Variants in CLCN6 observed in about 807,000 individuals in gnomAD.
CLCN6 encodes the protein Cl-/H+ antiporter 6.
In CLCN6, 70 loss-of-function variants were observed where a neutral mutation model predicts 109.8. The ratio of observed to expected loss-of-function variants is 0.64; its 90% CI spans 0.53 to 0.78. The LOEUF (loss-of-function observed/expected upper bound fraction) is 0.78, where lower values mean the gene tolerates loss of function less well. Ranked by LOEUF, CLCN6 falls within the 30% of genes least tolerant of loss-of-function variation. The probability of loss-of-function intolerance (pLI) is 0.00; values close to 1 mark genes in which losing one functional copy is unlikely to be tolerated. For missense variants in CLCN6, 984 were observed against 1,142.3 expected, an observed-to-expected ratio of 0.86 and a Z score of 2.00; for synonymous variants, 444 against 447.8, an observed-to-expected ratio of 0.99 and a Z score of 0.11.
At chr1:11,811,209 A>T (rs55738737) in intron 2 of CLCN6, among the ~76,000 whole-genome samples, 15,039 of 148,328 alleles carry the variant, frequency 0.1, 806 homozygotes, top group South Asian at 0.16. Flanking sequence ...AGACCCTGAC[A>T]AAAAAAAAAG....
At chr1:11,807,457 C>T (rs1042444995) in intron 2 of CLCN6, among the ~76,000 whole-genome samples, 2 of 152,182 alleles carry the variant, frequency 1.3e-5, no homozygotes, top group Non-Finnish European at 2.9e-5. Flanking sequence ...AAACTGTTTG[C>T]TTTTACAGCT....
At position 11,827,959 on chromosome 1, in the gene CLCN6, A is replaced by G. The variant is rs186247961; in HGVS notation, c.841-147A>G. 233 of 689,738 alleles carry G rather than the reference A, an allele frequency of 3.4e-4. 4 individuals carry two copies. The South Asian group carries it at 3.8e-3, about 11-fold the overall frequency. The allele number at this position is 689,738 out of a possible 1,614,324, so 42.7% of individuals were successfully genotyped here. A position where few individuals can be genotyped will look rare whatever the true frequency, so the allele number is the denominator to read the frequency against. ...CTAGAGTTGGTCATACCTGGGGTGT[A>G]TCTACTGTAAGGGTGACTAGATCTC... On this transcript the variant is annotated intron_variant, in intron 10 of 22. Transcript: ENST00000346436.
At chr1:11,830,737 T>TATAATATA (rs1359328796) in intron 13 of CLCN6, among the ~76,000 whole-genome samples, 9 of 91,100 alleles carry the variant, frequency 9.9e-5, no homozygotes, top group African/African-American at 2.8e-4. Context: ...TATGTATATA[T>TATAATATA]TATATATATA....
In CLCN6 at chr1:11,838,383, C is replaced by T; in HGVS notation, c.2344C>T (p.Pro782Ser). 6.2e-7 allele frequency: 1 copy of T among 1,613,860 alleles called. No homozygotes were observed. The highest frequency in any genetic ancestry group is 8.5e-7 in the Non-Finnish European group (1 of 1,180,002). ...LSYAEMAEDY[P>S]RYPDIHDLDL... ...CTATGCCGAGATGGCCGAGGACTAC[C>T]CGCGGTACCCCGACATCCACGACCT... The change falls in exon 21 of 23, where the codon CCG becomes TCG. Residue 782 changes from proline (P) to serine (S), a missense_variant. Physicochemically the swap from Pro to Ser is moderately conservative, Grantham distance 74. Transcript: ENST00000346436.
intron 2 of CLCN6, among the ~76,000 whole-genome samples, chr1:11,814,840 G>T (rs1362571865): frequency 1.3e-5 from 2 of 151,892 alleles, no homozygotes; most frequent in Non-Finnish European, 2.9e-5. Context: ...AGACCATCCT[G>T]GCTAACACGG....
chr1:11,813,171 C>T (rs1438750369), intron 2 of CLCN6, among the ~76,000 whole-genome samples: 1 of 152,140 alleles, frequency 6.6e-6, no homozygotes, highest in East Asian at 1.9e-4. Flanking sequence ...CTGCAGTTCC[C>T]CTGTGCAATG....
At chr1:11,837,225 T>C in intron 19 of CLCN6, 69 bp downstream of exon 19, 1 of 1,594,216 alleles carries the variant, frequency 6.3e-7, no homozygotes, top group Non-Finnish European at 8.6e-7. Context: ...TTGGCTCAGA[T>C]GTTGTGAGGT....
At chr1:11,809,215 G>A (rs999650369) in intron 2 of CLCN6, among the ~76,000 whole-genome samples, 3 of 151,972 alleles carry the variant, frequency 2.0e-5, no homozygotes, top group African/African-American at 7.3e-5. Flanking sequence ...AAGTTTGCAG[G>A]AATTAGTATA....
rs541834754 is a variant in CLCN6 at position 11,827,270 on chromosome 1, C to CT, written c.840+50dup. The CT allele has an allele frequency of 3.8e-4, 592 of 1,574,370 alleles. No homozygotes were observed. In the African/African-American group the frequency reaches 7.0e-3, roughly 19 times the overall value. On this transcript the variant is annotated intron_variant, in intron 10 of 22. Coordinates refer to ENST00000346436, the MANE Select transcript of CLCN6 (RefSeq NM_001286.5). ...CATTAACCACACCCCCCGAATTACA[C>CT]TGGGTGTCCCTTACTCGGTACATGG...
chr1:11,838,636 G>A lies in CLCN6; in HGVS notation c.2505G>A (p.Leu835=), dbSNP rs371291073. 6.2e-7 allele frequency: 1 copy of A among 1,614,232 alleles called. No individual in the cohort carries two copies. The highest frequency in any genetic ancestry group is 8.5e-7 in the Non-Finnish European group (1 of 1,180,038). The change falls in exon 22 of 23, where the codon CTG becomes CTA. Residue 835 remains leucine (L), a synonymous_variant. Coordinates refer to ENST00000346436, the MANE Select transcript of CLCN6 (RefSeq NM_001286.5). ...TCAGAACGATGGGCCTGCGCCACCT[G>A]CCCGTGGTGAACGCTGTGGGAGAGG... The part of the protein sequence containing the change: ...NLFRTMGLRH[L]PVVNAVGEIV...
intron 13 of CLCN6, among the ~76,000 whole-genome samples, chr1:11,832,651 A>G (rs1644895890): frequency 6.6e-6 from 1 of 152,170 alleles, no homozygotes; most frequent in Non-Finnish European, 1.5e-5. Flanking sequence ...CGTCCACATA[A>G]TGGCATCTCC....
chr1:11,820,294 A>G (rs2100623512), intron 5 of CLCN6: 1 of 694,122 alleles, frequency 1.4e-6, no homozygotes, highest in Non-Finnish European at 2.7e-6. Context: ...TCTTAAAAAA[A>G]ATGATGCTGG....
At position 11,826,164 on chromosome 1, in the gene CLCN6, C is replaced by T. The variant is rs1035078273; in HGVS notation, c.657C>T (p.Ser219=). ...VVGAGLPQFQ[S]ISLRKIQFNF... ...CTTTTCTCTTGCTTTAGTTTCAGAGCATCTCCTTACGGAAGATCCAGTTTA... is the reference window on the plus strand; with the variant it reads ...CTTTTCTCTTGCTTTAGTTTCAGAGTATCTCCTTACGGAAGATCCAGTTTA... Residue 219 remains serine, a synonymous_variant, in exon 9 of 23, where the codon AGC becomes AGT. Transcript: ENST00000346436. 6.2e-7 allele frequency: 1 copy of T among 1,613,022 alleles called. No homozygotes were observed. The highest frequency in any genetic ancestry group is 1.3e-5 in the African/African-American group (1 of 74,866).
In CLCN6 at chr1:11,828,623, A is replaced by G; in HGVS notation, c.1120A>G (p.Arg374Gly). Residue 374 changes from arginine (R) to glycine (G), a missense_variant and splice_region_variant, in exon 12 of 23, where the codon AGA (arginine) becomes GGA (glycine). Physicochemically the swap from Arg to Gly is moderately radical, Grantham distance 125. Transcript: ENST00000346436. ...CGTGCACCCGAAACCTAAGCTCGTCAGGTATCTGCACAGTCGCCTCCCCCC... is the reference window on the plus strand; with the variant it reads ...CGTGCACCCGAAACCTAAGCTCGTCGGGTATCTGCACAGTCGCCTCCCCCC... ...RNVHPKPKLVRVLESLLVSLV... is the reference protein window; with the variant it reads ...RNVHPKPKLVGVLESLLVSLV... 6.2e-6 allele frequency: 10 copies of G among 1,604,980 alleles called. No individual in the cohort carries two copies. The highest frequency in any genetic ancestry group is 8.5e-6 in the Non-Finnish European group (10 of 1,175,476).
intron 6 of CLCN6, 61 bp downstream of exon 6, chr1:11,822,862 C>T: frequency 9.8e-7 from 1 of 1,022,650 alleles, no homozygotes; most frequent in South Asian, 1.3e-5. Flanking sequence ...ACTCCTTTTC[C>T]CCACCTCCTT....
intron 5 of CLCN6, among the ~76,000 whole-genome samples, chr1:11,821,156 A>T (rs1299330050): frequency 6.6e-6 from 1 of 152,192 alleles, no homozygotes; most frequent in Non-Finnish European, 1.5e-5. Context: ...TATAAAGACA[A>T]AAACTCCAAA....
chr1:11,830,464 T>TTAGGGTA (rs1441835758), intron 13 of CLCN6, among the ~76,000 whole-genome samples: 1 of 152,112 alleles, frequency 6.6e-6, no homozygotes, highest in African/African-American at 2.4e-5. Flanking sequence ...TTACATTGTA[T>TTAGGGTA]TAGGGTATTA....
chr1:11,833,856 A>G, intron 14 of CLCN6, 21 bp from the exon 15 acceptor site: 1 of 1,602,038 alleles, frequency 6.2e-7, no homozygotes. Flanking sequence ...AGTGGGACTC[A>G]GGTTGGCTCT....
chr1:11,822,788 T>A lies in CLCN6; in HGVS notation c.440T>A (p.Leu147His). 5.0e-6 allele frequency: 8 copies of A among 1,612,194 alleles called. No homozygotes were observed. The highest frequency in any genetic ancestry group is 6.8e-6 in the Non-Finnish European group (8 of 1,178,230). The change falls in exon 6 of 23, where the codon CTT (leucine) becomes CAT (histidine). Residue 147 changes from leucine (L) to histidine (H), a missense_variant. Physicochemically the swap from Leu to His is moderately conservative, Grantham distance 99. Coordinates refer to ENST00000346436, the MANE Select transcript of CLCN6 (RefSeq NM_001286.5). The stretch of plus-strand genomic sequence containing the variant: ...ACCTTTGTCTTCCTGGCAAGCCTCC[T>A]TGTTCTCATTGAGGTGAGGTGGTTT... ...NLTFVFLASL[L>H]VLIEPVAAGS...
Sources: allele counts gnomAD v4.1 joint callset (sites outside exome capture counted in the v4.1 genomes callset), GRCh38; gene constraint gnomAD v4.1.1; transcripts MANE v1.5; gene names NCBI Gene and HGNC (gene_info 2026-07-23, HGNC 2026-07-21).